The following MACROH2A1 variants were observed in gnomAD, a reference collection of about 807,000 sequenced individuals.
MACROH2A1 encodes the protein core histone macro-H2A.1.
In MACROH2A1, 2 loss-of-function variants were observed where a neutral mutation model predicts 31.6. The ratio of observed to expected loss-of-function variants is 0.06; its 90% CI spans 0.03 to 0.20. The LOEUF is 0.20. MACROH2A1 is among the 10% of genes least tolerant of loss of function. The probability of loss-of-function intolerance (pLI) is 1.00; values close to 1 mark genes in which losing one functional copy is unlikely to be tolerated. For missense variants in MACROH2A1, 230 were observed against 474.0 expected, an observed-to-expected ratio of 0.49 and a Z score of 4.78; for synonymous variants, 169 against 189.6, an observed-to-expected ratio of 0.89 and a Z score of 0.89.
intron 8 of MACROH2A1, 137 bp downstream of exon 8, chr5:135,343,123 C>A: frequency 2.5e-6 from 4 of 1,569,802 alleles, no homozygotes; most frequent in East Asian, 2.3e-5. Flanking sequence ...TGCATTCTTC[C>A]CTGTGTTGTG....
rs1035091438 is a variant in MACROH2A1, at chr5:135,398,080, T to A, written c.-34+982A>T. Among the ~76,000 whole-genome samples, 11 of 152,214 alleles carry A rather than the reference T, an allele frequency of 7.2e-5. No homozygotes were observed. Among genetic ancestry groups the A allele is most frequent in the African/African-American group, 2.7e-4 (11 of 41,442 alleles). On this transcript the variant is annotated intron_variant, in intron 1 of 8. Transcript: ENST00000511689. This position sits in a 1 kb window ranked among gnomAD's most constrained non-coding sequence, Gnocchi z 4.6. ...TTGTTGAATTCAAGGTTTGTCCCAG[T>A]TGTTTGTACAGAAGTCTCTCACTTT...
upstream of MACROH2A1, chr5:135,399,812 A>G (rs957609729): frequency 1.3e-5 from 2 of 152,406 alleles, no homozygotes; most frequent in South Asian, 4.1e-4. The surrounding 1 kb of genome is among the most constrained non-coding windows in gnomAD (Gnocchi z 4.5). Context: ...TGCCTTGCAC[A>G]TGGAAGCGGT....
intron 5 of MACROH2A1, chr5:135,357,498 A>AT (rs1312147926): frequency 2.6e-5 from 4 of 153,184 alleles, no homozygotes; most frequent in Admixed American, 2.0e-4. Context: ...CATCTTGATC[A>AT]TTTGGGAGGT....
At chr5:135,399,820 G>A (rs1340968543), upstream of MACROH2A1, 1 of 152,246 alleles carries the variant, frequency 6.6e-6, no homozygotes, top group East Asian at 1.9e-4. This position sits in a 1 kb window ranked among gnomAD's most constrained non-coding sequence, Gnocchi z 4.5. Context: ...ACATGGAAGC[G>A]GTTAGCTACT....
intron 2 of MACROH2A1, among the ~76,000 whole-genome samples, chr5:135,373,041 C>T (rs1764385175): frequency 6.6e-6 from 1 of 152,168 alleles, no homozygotes; most frequent in South Asian, 2.1e-4. Context: ...AAGGAGAATG[C>T]CCACAGTGGT....
chr5:135,378,792 C>T (rs1474934566), intron 2 of MACROH2A1, among the ~76,000 whole-genome samples: 3 of 152,160 alleles, frequency 2.0e-5, no homozygotes, highest in East Asian at 1.9e-4. Context: ...GTTCAACATA[C>T]GGCAGATGTT....
In MACROH2A1 at chr5:135,335,070, A is replaced by G. The variant is rs780411364; in HGVS notation, c.1025T>C (p.Met342Thr). 6.2e-7 allele frequency: 1 copy of G among 1,613,592 alleles called. No homozygotes were observed. Among genetic ancestry groups the G allele is most frequent in the Non-Finnish European group, 8.5e-7 (1 of 1,179,454 alleles). ...GTACACCGTTTTGATGGAAGAGGAC[A>G]TTGTAGACACGAAGTAACTGGAGAT... is the stretch of plus-strand genomic sequence containing the variant. ...KAISSYFVST[M>T]SSSIKTVYFV... Residue 342 changes from methionine (M) to threonine (T), a missense_variant, in exon 9 of 9, where the codon ATG (methionine) becomes ACG (threonine). This residue lies in a region of MACROH2A1 where 183 missense variants were observed against 319.3 expected (regional missense o/e 0.57). Coordinates refer to ENST00000511689, the MANE Select transcript of MACROH2A1 (RefSeq NM_138610.3).
chr5:135,340,332 G>A (rs1051200437), intron 8 of MACROH2A1, among the ~76,000 whole-genome samples: 5 of 152,032 alleles, frequency 3.3e-5, no homozygotes, highest in Admixed American at 2.0e-4. Flanking sequence ...GTTTAGCACC[G>A]CGCCTGGGGC....
chr5:135,380,912 A>G (rs962699618), intron 2 of MACROH2A1, among the ~76,000 whole-genome samples: 1 of 152,248 alleles, frequency 6.6e-6, no homozygotes, highest in Non-Finnish European at 1.5e-5. Flanking sequence ...GTCTCACTGT[A>G]TATCCTTTGA....
chr5:135,343,442 T>C lies in MACROH2A1; in HGVS notation c.779-8A>G. 6.2e-7 allele frequency: 1 copy of C among 1,613,018 alleles called. No homozygotes were observed. Among genetic ancestry groups the C allele is most frequent in the Non-Finnish European group, 8.5e-7 (1 of 1,179,174 alleles). On this transcript the variant is annotated splice_polypyrimidine_tract_variant and splice_region_variant and intron_variant, in intron 7 of 8. Coordinates refer to ENST00000511689, the MANE Select transcript of MACROH2A1 (RefSeq NM_138610.3). ...GGCCTGCGCTGACAGCAGCTAGTGG[T>C]GCGGGGATGAAACAGAAACAGTGAG...
intron 8 of MACROH2A1, among the ~76,000 whole-genome samples, chr5:135,336,216 G>A (rs2149693850): frequency 1.3e-5 from 2 of 152,354 alleles, no homozygotes; most frequent in Middle Eastern, 3.4e-3. Flanking sequence ...AGTACTGCTA[G>A]CTTCACTCAC....
At chr5:135,338,003 G>A (rs1428633664) in intron 8 of MACROH2A1, 2 of 1,193,404 alleles carry the variant, frequency 1.7e-6, no homozygotes, top group Non-Finnish European at 2.1e-6. Flanking sequence ...TGCCAGGAAG[G>A]AATGGCGGAG....
intron 2 of MACROH2A1, among the ~76,000 whole-genome samples, chr5:135,384,018 A>G (rs1332885788): frequency 2.0e-5 from 3 of 152,156 alleles, no homozygotes; most frequent in African/African-American, 7.2e-5. Context: ...GACACATTTG[A>G]GTGTCCCGGA....
intron 2 of MACROH2A1, among the ~76,000 whole-genome samples, chr5:135,375,434 G>C (rs528139672): frequency 2.6e-5 from 4 of 152,338 alleles, no homozygotes; most frequent in African/African-American, 9.6e-5. Flanking sequence ...TACTTTGCAA[G>C]TCCACCCAGA....
intron 5 of MACROH2A1, chr5:135,359,048 A>AT: frequency 1.0e-6 from 1 of 985,396 alleles, no homozygotes; most frequent in Non-Finnish European, 1.2e-6. Context: ...TTGCATGGAC[A>AT]TTTTTACAGC....
intron 2 of MACROH2A1, among the ~76,000 whole-genome samples, chr5:135,384,914 C>G (rs961198443): frequency 1.2e-4 from 18 of 152,204 alleles, no homozygotes; most frequent in Non-Finnish European, 2.5e-4. Flanking sequence ...CTCTAAACCA[C>G]CCAGCTCTAG....
intron 5 of MACROH2A1, 162 bp downstream of exon 5, chr5:135,360,335 A>T (rs1006709064): frequency 2.8e-5 from 17 of 611,182 alleles, no homozygotes; most frequent in East Asian, 2.7e-4. Flanking sequence ...CCTCCCCAGC[A>T]TCTAGCCCTC....
At chr5:135,399,319 C>G (rs1313819670), upstream of MACROH2A1, 2 of 152,060 alleles carry the variant, frequency 1.3e-5, no homozygotes, top group East Asian at 3.9e-4. The surrounding 1 kb of genome is among the most constrained non-coding windows in gnomAD (Gnocchi z 4.5). Flanking sequence ...CCTCCGCGCC[C>G]GTGCCGCCCG....
At chr5:135,367,263 G>A (rs1327361964) in intron 4 of MACROH2A1, among the ~76,000 whole-genome samples, 1 of 152,150 alleles carries the variant, frequency 6.6e-6, no homozygotes, top group Non-Finnish European at 1.5e-5. Context: ...GCTGTTCACG[G>A]TTCCAATTTC....
Sources: gnomAD v4.1 joint callset for allele counts (sites outside exome capture counted in the v4.1 genomes callset) on GRCh38, gnomAD v4.1.1 for gene constraint, gnomAD v4.1.1 regional missense constraint, Gnocchi (gnomAD v3.1) non-coding constraint, MANE v1.5 for transcripts, NCBI Gene and HGNC (gene_info 2026-07-23, HGNC 2026-07-21) for gene names.